Variants in OGDHL observed in about 807,000 individuals in gnomAD.
OGDHL encodes oxoglutarate dehydrogenase L.
A neutral mutation model predicts 109.6 loss-of-function variants in OGDHL; 79 were observed. The ratio of observed to expected loss-of-function variants is 0.72; its 90% CI spans 0.60 to 0.87. OGDHL has a LOEUF of 0.87. Among genes scored for constraint, OGDHL ranks in the 40% least tolerant of loss-of-function variants. The pLI is 0.00. For missense variants in OGDHL, 1,275 were observed against 1,362.2 expected (o/e 0.94, Z 1.01); for synonymous variants, 528 against 537.2 (o/e 0.98, Z 0.24).
intron 15 of OGDHL, among the ~76,000 whole-genome samples, 161 bp downstream of exon 15, chr10:49,742,667 T>TG (rs1386212207): frequency 6.6e-6 from 1 of 152,024 alleles, no homozygotes; most frequent in Non-Finnish European, 1.5e-5. Context: ...ACACTTGCCC[T>TG]GGGGGGTCAG....
intron 1 of OGDHL, among the ~76,000 whole-genome samples, chr10:49,760,561 T>C (rs1166784275): frequency 1.3e-5 from 2 of 152,204 alleles, no homozygotes; most frequent in Non-Finnish European, 2.9e-5. Flanking sequence ...ATCCCCAGTC[T>C]ATGGCAAAGG....
chr10:49,742,498 TACC>T (rs1841845196), intron 15 of OGDHL, among the ~76,000 whole-genome samples: 1 of 4,046 alleles, frequency 2.5e-4, no homozygotes, highest in Admixed American at 2.3e-3. Context: ...ACTCACCACA[TACC>T]ACACACCACA....
At chr10:49,754,291 G>T (rs977144802) in intron 3 of OGDHL, among the ~76,000 whole-genome samples, 1 of 152,132 alleles carries the variant, frequency 6.6e-6, no homozygotes, top group African/African-American at 2.4e-5. Context: ...CAACTATAAG[G>T]ACAGTATACC....
At chr10:49,742,085 T>TACCAC (rs1554817971) in intron 15 of OGDHL, among the ~76,000 whole-genome samples, 7 of 137,838 alleles carry the variant, frequency 5.1e-5, no homozygotes, top group Non-Finnish European at 9.3e-5. Context: ...ACCCCACACA[T>TACCAC]ACCACACAAA....
At chr10:49,757,405 C>T (rs369252218) in intron 2 of OGDHL, among the ~76,000 whole-genome samples, 30 of 152,330 alleles carry the variant, frequency 2.0e-4, no homozygotes, top group South Asian at 1.5e-3. Flanking sequence ...CACTCCCATA[C>T]GGCACTGGTG....
chr10:49,759,159 C>T (rs949823653), intron 1 of OGDHL, among the ~76,000 whole-genome samples: 3 of 152,174 alleles, frequency 2.0e-5, no homozygotes, highest in South Asian at 2.1e-4. Context: ...CTAGTCATTG[C>T]GACCAAAAGT....
At position 49,752,671 on chromosome 10, in the gene OGDHL, G is replaced by A. The variant is rs374354530; in HGVS notation, c.445C>T (p.Pro149Ser). ...ILDADLDSFV[P>S]SDLITTIDKL... is the part of the protein sequence containing the mutation. ...TCAATGGTTGTGATCAAGTCTGAGG[G>A]CACAAAGGAGTCCAGGTCTGCATCC... Residue 149 changes from proline (P) to serine (S), a missense_variant, in exon 4 of 23, where the codon CCC becomes TCC. Coordinates refer to ENST00000374103, the MANE Select transcript of OGDHL (RefSeq NM_018245.3). 1 of 1,614,078 alleles carries A rather than the reference G, an allele frequency of 6.2e-7. No individual in the cohort carries two copies. Among genetic ancestry groups the A allele is most frequent in the African/African-American group, 1.3e-5 (1 of 74,950 alleles).
chr10:49,752,311 G>C (rs1198570340), intron 4 of OGDHL, 63 bp from the exon 5 acceptor site: 1 of 1,223,442 alleles, frequency 8.2e-7, no homozygotes, highest in Non-Finnish European at 1.2e-6. Flanking sequence ...TCAGGCCCAG[G>C]TGGAGCCCCG....
rs768853605 is a variant in OGDHL at position 49,736,505 on chromosome 10, C to G, written c.2606G>C (p.Arg869Pro). 4 of 1,613,270 alleles carry G rather than the reference C, an allele frequency of 2.5e-6. No homozygotes were observed. In the Admixed American group the frequency reaches 5.0e-5, roughly 20 times the overall value. ...DQMVSGTSFQ[R>P]VIPEDGAAAR... ...TGCGGCCCCATCTTCAGGAATCACC[C>G]GCTGGAAGCTGGTCCCTGAGGGACC... is the stretch of plus-strand genomic sequence containing the variant. Residue 869 changes from arginine to proline, a missense_variant, in exon 21 of 23, where the codon CGG becomes CCG. By Grantham distance (103) the Arg-to-Pro change is moderately radical. Transcript: ENST00000374103.
At chr10:49,750,753 C>A in intron 7 of OGDHL, 86 bp downstream of exon 7, 2 of 1,471,140 alleles carry the variant, frequency 1.4e-6, no homozygotes, top group Non-Finnish European at 1.8e-6. Flanking sequence ...ACCAACACCT[C>A]CGCTCTGATT....
intron 15 of OGDHL, among the ~76,000 whole-genome samples, chr10:49,742,078 CCACACATACCA>C (rs1841735740): frequency 1.5e-5 from 1 of 66,770 alleles, no homozygotes; most frequent in Admixed American, 2.1e-4. Context: ...ACCACACACC[CCACACATACCA>C]CACAAACACC....
At chr10:49,741,928 C>CA (rs764566750) in intron 15 of OGDHL, among the ~76,000 whole-genome samples, 18 of 145,622 alleles carry the variant, frequency 1.2e-4, no homozygotes, top group Non-Finnish European at 2.3e-4. Flanking sequence ...ACACAGACTA[C>CA]ACACCACAAA....
At chr10:49,760,749 T>G (rs717721) in intron 1 of OGDHL, among the ~76,000 whole-genome samples, 103,102 of 152,152 alleles carry the variant, frequency 0.68, 35,265 homozygotes, top group East Asian at 0.91. Context: ...AGCTGGCTAA[T>G]CTGGTGAGTG....
Position 49,737,969 on chromosome 10 carries a change from A to T in OGDHL, c.2495T>A (p.Ile832Asn), listed in dbSNP as rs1388606439. 2.5e-6 allele frequency: 4 copies of T among 1,613,962 alleles called. No individual in the cohort carries two copies. The African/African-American group carries it at 5.3e-5, about 22-fold the overall frequency. ...ANYFHVLRRQ[I>N]LLPFRKPLII... is the part of the protein sequence containing the mutation. The stretch of plus-strand genomic sequence containing the variant: ...CACCGGCTTGCGGAAGGGCAGCAGG[A>T]TCTGCCGGCGCAGCACGTGGAAGTA... The change falls in exon 19 of 23, where the codon ATC (isoleucine) becomes AAC (asparagine). Residue 832 changes from isoleucine to asparagine, a missense_variant. By Grantham distance (149) the Ile-to-Asn change is moderately radical. Coordinates refer to ENST00000374103, the MANE Select transcript of OGDHL (RefSeq NM_018245.3).
At chr10:49,738,143 G>A (rs776043178) in intron 18 of OGDHL, 48 bp downstream of exon 18, 1 of 1,613,954 alleles carries the variant, frequency 6.2e-7, no homozygotes, top group Non-Finnish European at 8.5e-7. Context: ...CTAGCCCTGT[G>A]GGCACAATAG....
chr10:49,736,582 A>C, intron 20 of OGDHL, 62 bp from the exon 21 acceptor site: 2 of 1,547,792 alleles, frequency 1.3e-6, no homozygotes, highest in Non-Finnish European at 1.7e-6. Context: ...GCAGCTCAGG[A>C]CCAGGCCTGC....
At chr10:49,759,433 C>T (rs1246006705) in intron 1 of OGDHL, among the ~76,000 whole-genome samples, 2 of 152,092 alleles carry the variant, frequency 1.3e-5, no homozygotes, top group Non-Finnish European at 2.9e-5. Context: ...TCTCACCTCA[C>T]TCTGTCACCT....
chr10:49,742,751 C>T, intron 15 of OGDHL, 77 bp downstream of exon 15: 1 of 1,510,006 alleles, frequency 6.6e-7, no homozygotes. Context: ...CCAACAAAGG[C>T]CCCCTCGGGA....
chr10:49,743,692 C>A lies in OGDHL; in HGVS notation c.1861+302G>T, dbSNP rs1590710746. 2.3e-5 allele frequency: 6 copies of A among 257,544 alleles called. No individual in the cohort carries two copies. The East Asian group carries it at 5.3e-4, about 23-fold the overall frequency. 16.0% of individuals were successfully genotyped at this position (257,544 alleles called of 1,614,324 possible). On this transcript the variant is annotated intron_variant, in intron 14 of 22. Transcript: ENST00000374103. ...GTATGGGAGCCCTTGCTTTCCTGCT[C>A]TTCTGCCTGACCCAGGGACGCCCCG...
Sources: gnomAD v4.1 joint callset for allele counts (sites outside exome capture counted in the v4.1 genomes callset) on GRCh38, gnomAD v4.1.1 for gene constraint, MANE v1.5 for transcripts, NCBI Gene and HGNC (gene_info 2026-07-23, HGNC 2026-07-21) for gene names.